The following EYA4 variants were observed in gnomAD, a reference collection of about 807,000 sequenced individuals.
EYA4 encodes the protein EYA transcriptional coactivator and phosphatase 4, also known as protein phosphatase EYA4.
A neutral mutation model predicts 87.9 loss-of-function variants in EYA4; 31 were observed. The ratio of observed to expected loss-of-function variants is 0.35; its 90% CI spans 0.27 to 0.48. The LOEUF (loss-of-function observed/expected upper bound fraction) is 0.48, where lower values mean the gene tolerates loss of function less well. Ranked by LOEUF, EYA4 falls within the 20% of genes least tolerant of loss-of-function variation. The pLI, the probability that EYA4 is intolerant of heterozygous loss-of-function variation, is 0.99. For synonymous variants in EYA4, 263 were observed against 270.6 expected (o/e 0.97, Z 0.28); for missense variants, 678 against 761.4 (o/e 0.89, Z 1.29).
At position 133,494,674 on chromosome 6, in the gene EYA4, C is replaced by CAAAA. The variant is rs369090290; in HGVS notation, c.1192-11422_1192-11419dup. ...ACAACATAGTGAGACCCTGCCTCTACAAAAAAAAAAAAAGTGTTTTTTTTT... is the reference window on the plus strand; with the variant it reads ...ACAACATAGTGAGACCCTGCCTCTACAAAAAAAAAAAAAAAAAGTGTTTTTTTTT... On this transcript the variant is annotated intron_variant, in intron 13 of 19. Transcript: ENST00000355286. 9.8e-4 allele frequency among the ~76,000 whole-genome samples: 111 copies of CAAAA among 113,068 alleles called. 2 individuals carry two copies. The highest frequency in any genetic ancestry group is 4.6e-3 in the Middle Eastern group (1 of 218). The allele number at this position is 113,068 out of a possible 152,430, so 74.2% of individuals were successfully genotyped here.
intron 2 of EYA4, among the ~76,000 whole-genome samples, chr6:133,321,794 A>G (rs953064494): frequency 6.6e-6 from 1 of 152,190 alleles, no homozygotes; most frequent in Non-Finnish European, 1.5e-5. Context: ...TGAGATGGGA[A>G]AATGAGCACC....
chr6:133,269,816 T>A (rs995263860), intron 1 of EYA4, among the ~76,000 whole-genome samples: 1 of 152,182 alleles, frequency 6.6e-6, no homozygotes, highest in Non-Finnish European at 1.5e-5. Flanking sequence ...TGGGAGTTTA[T>A]TAAGTATTAA....
intron 1 of EYA4, 52 bp downstream of exon 1, chr6:133,241,801 A>C (rs1773961670): frequency 6.6e-6 from 1 of 152,194 alleles, no homozygotes. Context: ...GGGGAGCCTG[A>C]GTTGAGAGAA....
intron 3 of EYA4, among the ~76,000 whole-genome samples, chr6:133,403,300 C>G (rs1788420528): frequency 6.6e-6 from 1 of 152,096 alleles, no homozygotes; most frequent in South Asian, 2.1e-4. Context: ...TACAGAAAAA[C>G]AGGAATTGGC....
At chr6:133,486,510 G>T (rs1796696841) in intron 13 of EYA4, among the ~76,000 whole-genome samples, 1 of 152,050 alleles carries the variant, frequency 6.6e-6, no homozygotes, top group Non-Finnish European at 1.5e-5. Context: ...CAATAGACAT[G>T]CTTCTTGCTC....
chr6:133,462,818 C>T, intron 9 of EYA4, 54 bp downstream of exon 9: 1 of 1,517,400 alleles, frequency 6.6e-7, no homozygotes, highest in Non-Finnish European at 9.2e-7. Flanking sequence ...TTGAGTGAGA[C>T]TCATTGGCTT....
At chr6:133,479,340 G>A (rs746349765) in intron 11 of EYA4, among the ~76,000 whole-genome samples, 1 of 152,054 alleles carries the variant, frequency 6.6e-6, no homozygotes, top group Non-Finnish European at 1.5e-5. Context: ...TACTCTCACC[G>A]AGGTGATAAC....
At position 133,529,908 on chromosome 6, in the gene EYA4, TATC is replaced by T. The variant is rs1460390550; in HGVS notation, c.*1106_*1108del. The T allele has an allele frequency of 1.3e-5, 13 of 985,124 alleles. No individual in the cohort carries two copies. Among genetic ancestry groups the T allele is most frequent in the African/African-American group, 3.5e-5 (2 of 57,358 alleles). The allele number at this position is 985,124 out of a possible 1,614,324, so 61.0% of individuals were successfully genotyped here. ...GTGTAAGTTGCATAGAGGAGGATATTATCATGCAAATCATGAGCAATTATCACA... is the reference window on the plus strand; with the variant it reads ...GTGTAAGTTGCATAGAGGAGGATATTATGCAAATCATGAGCAATTATCACA... On this transcript the variant is annotated 3_prime_UTR_variant, in exon 20 of 20. Transcript: ENST00000355286.
chr6:133,264,393 A>G (rs751952025), intron 1 of EYA4, among the ~76,000 whole-genome samples: 1 of 152,240 alleles, frequency 6.6e-6, no homozygotes, highest in Non-Finnish European at 1.5e-5. Context: ...ATTCAGATCT[A>G]TATTTCGGAA....
intron 2 of EYA4, among the ~76,000 whole-genome samples, chr6:133,355,904 T>C (rs576936130): frequency 1.3e-5 from 2 of 152,106 alleles, no homozygotes; most frequent in African/African-American, 4.8e-5. Flanking sequence ...TACCATAGAC[T>C]GGGTAGCTTA....
chr6:133,265,240 T>G (rs562494910), intron 1 of EYA4, among the ~76,000 whole-genome samples: 3 of 151,978 alleles, frequency 2.0e-5, no homozygotes, highest in African/African-American at 7.2e-5. Context: ...TAATATGGAA[T>G]GGGTGAGGTT....
At chr6:133,387,257 G>A (rs201488855) in intron 3 of EYA4, among the ~76,000 whole-genome samples, 40 of 152,204 alleles carry the variant, frequency 2.6e-4, no homozygotes, top group African/African-American at 8.9e-4. Context: ...CAGTACTTCC[G>A]GAAGACTGAA....
intron 2 of EYA4, among the ~76,000 whole-genome samples, chr6:133,284,159 T>C (rs1777848143): frequency 6.6e-6 from 1 of 152,224 alleles, no homozygotes; most frequent in South Asian, 2.1e-4. Flanking sequence ...ATTTTAAATA[T>C]TATGGATTTG....
At chr6:133,357,365 AG>A (rs747615105) in intron 2 of EYA4, among the ~76,000 whole-genome samples, 13 of 151,946 alleles carry the variant, frequency 8.6e-5, no homozygotes, top group Non-Finnish European at 1.8e-4. Flanking sequence ...AGCAAAGAAA[AG>A]GGGGGACCTT....
chr6:133,312,625 T>C (rs1213647126), intron 2 of EYA4, among the ~76,000 whole-genome samples: 2 of 152,210 alleles, frequency 1.3e-5, no homozygotes, highest in African/African-American at 4.8e-5. Flanking sequence ...TTTCCTTGTA[T>C]TCCTCAATAT....
rs1042450187 is a variant in EYA4, at chr6:133,427,119, A to G, written c.84-19511A>G. Among the ~76,000 whole-genome samples, 6 of 152,346 alleles carry G rather than the reference A, an allele frequency of 3.9e-5. No individual in the cohort carries two copies. In the South Asian group the frequency reaches 6.2e-4, roughly 16 times the overall value. ...ATGAAAGTATGAAATTAACAGTTGC[A>G]TGGTGCTGGTTCAAATAATCCTCAT... On this transcript the variant is annotated intron_variant, in intron 3 of 19. Coordinates refer to ENST00000355286, the MANE Select transcript of EYA4 (RefSeq NM_004100.5).
intron 3 of EYA4, among the ~76,000 whole-genome samples, chr6:133,441,792 A>G (rs948167067): frequency 6.6e-5 from 10 of 152,080 alleles, no homozygotes; most frequent in African/African-American, 1.7e-4. Flanking sequence ...TGGAGCAGGT[A>G]ATCAGAATGA....
rs3777790 is a variant in EYA4 at position 133,258,397 on chromosome 6, C to A, written c.-65-16319C>A. ...CTTTTTTATTGCGATCTTTTTCTTACTAGTTTAACCAGTATTTTCCCGCGC... is the reference window on the plus strand; with the variant it reads ...CTTTTTTATTGCGATCTTTTTCTTAATAGTTTAACCAGTATTTTCCCGCGC... On this transcript the variant is annotated intron_variant, in intron 1 of 19. Transcript: ENST00000355286. Among the ~76,000 whole-genome samples the A allele has an allele frequency of 3.3e-5, 5 of 152,292 alleles. No individual in the cohort carries two copies. In the East Asian group the frequency reaches 9.6e-4, roughly 29 times the overall value.
chr6:133,315,922 C>T (rs1411294918), intron 2 of EYA4, among the ~76,000 whole-genome samples: 3 of 152,152 alleles, frequency 2.0e-5, no homozygotes, highest in African/African-American at 7.2e-5. Context: ...GTAAAATCAA[C>T]AGGAACAGAG....
Sources: gnomAD v4.1 joint callset for allele counts (sites outside exome capture counted in the v4.1 genomes callset) on GRCh38, gnomAD v4.1.1 for gene constraint, MANE v1.5 for transcripts, NCBI Gene and HGNC (gene_info 2026-07-23, HGNC 2026-07-21) for gene names.